MYO6: variants seen among roughly 807,000 people sequenced by gnomAD.
MYO6 encodes the protein myosin VI, also known as unconventional myosin-VI.
In MYO6, 74 loss-of-function variants were observed where a neutral mutation model predicts 178.7. The ratio of observed to expected loss-of-function variants is 0.41; its 90% CI spans 0.34 to 0.50. MYO6 has a LOEUF of 0.50. Ranked by LOEUF, MYO6 falls within the 20% of genes least tolerant of loss-of-function variation. The pLI is 0.09. For missense variants in MYO6, 1,330 were observed against 1,547.4 expected (o/e 0.86, Z 2.36); for synonymous variants, 477 against 504.6 (o/e 0.95, Z 0.73).
At chr6:75,840,734 T>C (rs1283451178) in intron 8 of MYO6, 52 bp downstream of exon 8, 2 of 1,342,768 alleles carry the variant, frequency 1.5e-6, no homozygotes, top group African/African-American at 1.4e-5. Flanking sequence ...TTTGTGAAAA[T>C]GCAAGGGTCA....
chr6:75,845,358 G>A (rs1162738064), intron 10 of MYO6, among the ~76,000 whole-genome samples: 5 of 152,274 alleles, frequency 3.3e-5, no homozygotes, highest in African/African-American at 9.6e-5. Context: ...GCTGACGTGA[G>A]GTTTGATGTA....
At chr6:75,858,038 A>G (rs1029350598) in intron 13 of MYO6, among the ~76,000 whole-genome samples, 2 of 151,356 alleles carry the variant, frequency 1.3e-5, no homozygotes, top group African/African-American at 4.9e-5. Flanking sequence ...ATAATTCTCT[A>G]CCTTTTGTTC....
chr6:75,792,227 T>C (rs1050843627), intron 1 of MYO6, among the ~76,000 whole-genome samples: 2 of 152,234 alleles, frequency 1.3e-5, no homozygotes, highest in Non-Finnish European at 2.9e-5. Flanking sequence ...TCTAAGTTTT[T>C]AAGTTTTAGA....
chr6:75,812,320 G>A (rs978677719), intron 1 of MYO6, among the ~76,000 whole-genome samples: 1 of 151,980 alleles, frequency 6.6e-6, no homozygotes, highest in African/African-American at 2.4e-5. Context: ...TTTTTTTTGT[G>A]TGTGTTGATA....
intron 27 of MYO6, among the ~76,000 whole-genome samples, chr6:75,892,012 A>G (rs1778937904): frequency 6.6e-6 from 1 of 152,216 alleles, no homozygotes; most frequent in Non-Finnish European, 1.5e-5. Context: ...AAATTCACTT[A>G]AAATGTTAAG....
chr6:75,820,893 C>G (rs1175340190), intron 2 of MYO6, among the ~76,000 whole-genome samples: 1 of 152,142 alleles, frequency 6.6e-6, no homozygotes, highest in South Asian at 2.1e-4. Flanking sequence ...TCCCTCCCTA[C>G]TAGACTATGT....
intron 33 of MYO6, among the ~76,000 whole-genome samples, chr6:75,913,622 G>A (rs552419268): frequency 1.3e-5 from 2 of 152,246 alleles, no homozygotes; most frequent in African/African-American, 4.8e-5. Flanking sequence ...ACATCCTTCA[G>A]ATTTTTGAAA....
At position 75,755,920 on chromosome 6, in the gene MYO6, G is replaced by C. The variant is rs534037375; in HGVS notation, c.-48+6497G>C. 5.9e-5 allele frequency among the ~76,000 whole-genome samples: 9 copies of C among 152,352 alleles called. No homozygotes were observed. The East Asian group carries it at 1.5e-3, about 26-fold the overall frequency. On this transcript the variant is annotated intron_variant, in intron 1 of 34. Coordinates refer to ENST00000369977, the MANE Select transcript of MYO6 (RefSeq NM_004999.4). ...TGACCCTAAAGTTGGGAAATAGGCA[G>C]TTGTCAAAATTGTGCAATTTAAAGG...
chr6:75,810,813 G>A (rs1279098849), intron 1 of MYO6, among the ~76,000 whole-genome samples: 1 of 152,290 alleles, frequency 6.6e-6, no homozygotes, highest in East Asian at 1.9e-4. Context: ...TTGAGGAGAG[G>A]CCTCAGAGGA....
chr6:75,850,609 A>G (rs1775171822), intron 11 of MYO6, among the ~76,000 whole-genome samples: 1 of 152,244 alleles, frequency 6.6e-6, no homozygotes. Flanking sequence ...TGTGAAATCA[A>G]TAATGTGAGA....
At chr6:75,894,957 C>G (rs549345834) in intron 28 of MYO6, 1 of 752,096 alleles carries the variant, frequency 1.3e-6, no homozygotes, top group African/African-American at 1.8e-5. Context: ...AAAATAATAT[C>G]CAGATTCTAT....
chr6:75,807,769 G>A (rs952806544), intron 1 of MYO6, among the ~76,000 whole-genome samples: 2 of 152,308 alleles, frequency 1.3e-5, no homozygotes, highest in Non-Finnish European at 2.9e-5. Context: ...GATCTCTCTT[G>A]TTGCCATCTT....
intron 1 of MYO6, among the ~76,000 whole-genome samples, chr6:75,815,988 G>A (rs981271692): frequency 1.3e-5 from 2 of 152,116 alleles, no homozygotes; most frequent in Non-Finnish European, 2.9e-5. Context: ...TGCATGTCAC[G>A]GATTGTTTTG....
chr6:75,919,522 C>G lies in MYO6; in HGVS notation c.*4510C>G, dbSNP rs1301850477. The G allele has an allele frequency of 6.6e-6, 1 of 152,548 alleles. No individual in the cohort carries two copies. The highest frequency in any genetic ancestry group is 1.5e-5 in the Non-Finnish European group (1 of 68,024). The allele number at this position is 152,548 out of a possible 1,614,324, so 9.4% of individuals were successfully genotyped here. A position where few individuals can be genotyped will look rare whatever the true frequency, so the allele number is the denominator to read the frequency against. On this transcript the variant is annotated 3_prime_UTR_variant, in exon 35 of 35. Transcript: ENST00000369977. ...CTGGAAATACAAATAAATAAATGCT[C>G]CCTGTGTAGAATTTCCACTTGCATC... is the stretch of plus-strand genomic sequence containing the variant.
intron 1 of MYO6, among the ~76,000 whole-genome samples, chr6:75,788,056 G>A (rs1177778982): frequency 1.3e-5 from 2 of 151,394 alleles, no homozygotes; most frequent in East Asian, 1.9e-4. Flanking sequence ...CACCATGCCC[G>A]GCCTATTCTG....
intron 23 of MYO6, among the ~76,000 whole-genome samples, chr6:75,885,496 C>T (rs1018513236): frequency 6.6e-6 from 1 of 151,840 alleles, no homozygotes; most frequent in African/African-American, 2.4e-5. Context: ...TCACCCAGGC[C>T]GGAGTGCAGT....
At chr6:75,755,293 A>C (rs1313088461) in intron 1 of MYO6, among the ~76,000 whole-genome samples, 3 of 152,200 alleles carry the variant, frequency 2.0e-5, no homozygotes, top group African/African-American at 7.2e-5. Context: ...GTGGCTACTT[A>C]GAAGCATCAT....
intron 11 of MYO6, among the ~76,000 whole-genome samples, chr6:75,851,079 C>G (rs187452521): frequency 1.6e-3 from 248 of 152,116 alleles, no homozygotes; most frequent in African/African-American, 4.9e-3. Context: ...AAAAAAAAGT[C>G]TTTACAATAA....
Position 75,918,099 on chromosome 6 carries a change from C to T in MYO6, c.*3087C>T, listed in dbSNP as rs988194231. Reference sequence around the variant, plus strand: ...TCATATGTAACAAAAAGAACCAAAACAAACACTTTTTAGTGGCACCTGTGG... The same window carrying T: ...TCATATGTAACAAAAAGAACCAAAATAAACACTTTTTAGTGGCACCTGTGG... On this transcript the variant is annotated 3_prime_UTR_variant, in exon 35 of 35. Coordinates refer to ENST00000369977, the MANE Select transcript of MYO6 (RefSeq NM_004999.4). 7.2e-5 allele frequency: 11 copies of T among 152,278 alleles called. No homozygotes were observed. Among genetic ancestry groups the T allele is most frequent in the African/African-American group, 2.2e-4 (9 of 41,578 alleles). 9.4% of individuals were successfully genotyped at this position (152,278 alleles called of 1,614,324 possible). A position where few individuals can be genotyped will look rare whatever the true frequency, so the allele number is the denominator to read the frequency against.
Sources: allele counts gnomAD v4.1 joint callset (sites outside exome capture counted in the v4.1 genomes callset), GRCh38; gene constraint gnomAD v4.1.1; transcripts MANE v1.5; gene names NCBI Gene and HGNC (gene_info 2026-07-23, HGNC 2026-07-21).